CNTN5: variants seen among roughly 807,000 people sequenced by gnomAD.
CNTN5 encodes the protein contactin 5, also known as contactin-5.
In CNTN5, 77 loss-of-function variants were observed where a neutral mutation model predicts 129.1. That is an observed-to-expected ratio of 0.60 (90% CI 0.50 to 0.72). The LOEUF (loss-of-function observed/expected upper bound fraction) is 0.72, where lower values mean the gene tolerates loss of function less well. Ranked by LOEUF, CNTN5 falls within the 30% of genes least tolerant of loss-of-function variation. The pLI, the probability that CNTN5 is intolerant of heterozygous loss-of-function variation, is 0.00. For synonymous variants in CNTN5, 509 were observed against 465.6 expected, an observed-to-expected ratio of 1.09 and a Z score of -1.20; for missense variants, 1,478 against 1,328.8, an observed-to-expected ratio of 1.11 and a Z score of -1.75.
chr11:99,990,718 G>C (rs1261899635), intron 8 of CNTN5, among the ~76,000 whole-genome samples: 1 of 151,942 alleles, frequency 6.6e-6, no homozygotes, highest in Non-Finnish European at 1.5e-5. Context: ...CTTCTCAGTG[G>C]TTCTTTAAGG....
chr11:99,622,802 C>T (rs1591375406), intron 3 of CNTN5, among the ~76,000 whole-genome samples: 1 of 151,136 alleles, frequency 6.6e-6, no homozygotes, highest in East Asian at 2.0e-4. Flanking sequence ...GATTTTTCCC[C>T]ATGGTATTCT....
intron 13 of CNTN5, among the ~76,000 whole-genome samples, chr11:100,182,388 C>CAG (rs147676533): frequency 6.6e-6 from 1 of 151,446 alleles, no homozygotes; most frequent in Admixed American, 6.6e-5. Context: ...TGTCAGAGAG[C>CAG]AGAGAGAGAG....
intron 4 of CNTN5, among the ~76,000 whole-genome samples, chr11:99,832,113 A>C (rs1177146593): frequency 6.6e-6 from 1 of 152,322 alleles, no homozygotes; most frequent in South Asian, 2.1e-4. Context: ...CCGCTGCTTT[A>C]TGACCCATTT....
At chr11:99,944,009 C>A (rs1353033998) in intron 7 of CNTN5, among the ~76,000 whole-genome samples, 1 of 150,700 alleles carries the variant, frequency 6.6e-6, no homozygotes, top group East Asian at 1.9e-4. Context: ...ATTGTCTTGG[C>A]TATAGGGGCT....
intron 3 of CNTN5, among the ~76,000 whole-genome samples, chr11:99,770,945 G>A (rs1354740479): frequency 6.6e-6 from 1 of 151,974 alleles, no homozygotes; most frequent in African/African-American, 2.4e-5. Flanking sequence ...GTATGGTACT[G>A]GCATAAAAAC....
At chr11:99,886,780 C>T (rs1405779180) in intron 6 of CNTN5, among the ~76,000 whole-genome samples, 2 of 152,162 alleles carry the variant, frequency 1.3e-5, no homozygotes, top group African/African-American at 4.8e-5. Flanking sequence ...CACGCAATAG[C>T]ATGAAGAACC....
intron 6 of CNTN5, among the ~76,000 whole-genome samples, chr11:99,858,391 CA>C (rs1394260639): frequency 3.3e-5 from 5 of 151,824 alleles, no homozygotes; most frequent in Middle Eastern, 3.4e-3. Context: ...ATTAAATTAC[CA>C]AAATAAAAAA....
At chr11:100,206,502 C>T (rs556740991) in intron 15 of CNTN5, among the ~76,000 whole-genome samples, 1 of 152,098 alleles carries the variant, frequency 6.6e-6, no homozygotes, top group African/African-American at 2.4e-5. Flanking sequence ...AAATTAAATC[C>T]AGGGATAAAC....
chr11:99,196,865 G>C (rs1361075708), intron 1 of CNTN5, among the ~76,000 whole-genome samples: 1 of 151,788 alleles, frequency 6.6e-6, no homozygotes, highest in East Asian at 1.9e-4. Context: ...GTATGTCCTT[G>C]GAATATAGTA....
intron 1 of CNTN5, among the ~76,000 whole-genome samples, chr11:99,167,941 T>A (rs1374883764): frequency 2.1e-5 from 3 of 140,604 alleles, no homozygotes; most frequent in Non-Finnish European, 3.0e-5. Context: ...CTTATAATGA[T>A]TTTTTTTTTT....
intron 1 of CNTN5, among the ~76,000 whole-genome samples, chr11:99,252,521 T>C (rs1231765686): frequency 6.6e-6 from 1 of 151,618 alleles, no homozygotes; most frequent in Non-Finnish European, 1.5e-5. Flanking sequence ...ACATCTAATG[T>C]CTCATATAAA....
chr11:99,301,613 A>G (rs1054722907), intron 1 of CNTN5, among the ~76,000 whole-genome samples: 10 of 151,860 alleles, frequency 6.6e-5, no homozygotes, highest in African/African-American at 2.4e-4. Context: ...GAAGAATTGA[A>G]AGAAAACATA....
chr11:99,390,063 A>G (rs1941175862), intron 2 of CNTN5, among the ~76,000 whole-genome samples: 1 of 152,232 alleles, frequency 6.6e-6, no homozygotes, highest in Non-Finnish European at 1.5e-5. Flanking sequence ...TAGGTATATG[A>G]CATTGGTGAA....
Position 99,621,316 on chromosome 11 carries a change from T to C in CNTN5, c.55+65047T>C, listed in dbSNP as rs565421580. Among the ~76,000 whole-genome samples, 10 of 152,258 alleles carry C rather than the reference T, an allele frequency of 6.6e-5. No individual in the cohort carries two copies. The South Asian group carries it at 1.9e-3, about 28-fold the overall frequency. On this transcript the variant is annotated intron_variant, in intron 3 of 24. Coordinates refer to ENST00000524871, the MANE Select transcript of CNTN5 (RefSeq NM_014361.4). ...AGCCTGGAGTCAGGAGATGGCTAAATTGGAGTCAAAAAACAAATAAGCAAA... is the reference window on the plus strand; with the variant it reads ...AGCCTGGAGTCAGGAGATGGCTAAACTGGAGTCAAAAAACAAATAAGCAAA...
At chr11:100,194,496 C>T (rs748609498) in intron 15 of CNTN5, among the ~76,000 whole-genome samples, 9 of 151,742 alleles carry the variant, frequency 5.9e-5, no homozygotes, top group Non-Finnish European at 1.2e-4. Flanking sequence ...ATCAGTTGAT[C>T]CATCCTGAAA....
At chr11:99,162,993 G>A (rs772285567) in intron 1 of CNTN5, among the ~76,000 whole-genome samples, 24 of 152,224 alleles carry the variant, frequency 1.6e-4, no homozygotes, top group Non-Finnish European at 2.8e-4. Flanking sequence ...TTTGATATGC[G>A]ACACTCTGCT....
intron 7 of CNTN5, among the ~76,000 whole-genome samples, chr11:99,952,085 G>A (rs1249994325): frequency 1.3e-5 from 2 of 152,088 alleles, no homozygotes; most frequent in East Asian, 1.9e-4. Flanking sequence ...TTTCAATCAA[G>A]GTACACATCA....
In CNTN5 at chr11:100,000,021, C is replaced by T. The variant is rs7946267; in HGVS notation, c.878-2013C>T. 6.2e-5 allele frequency among the ~76,000 whole-genome samples: 9 copies of T among 145,602 alleles called. No individual in the cohort carries two copies. The East Asian group carries it at 8.4e-4, about 14-fold the overall frequency. On this transcript the variant is annotated intron_variant, in intron 8 of 24. Coordinates refer to ENST00000524871, the MANE Select transcript of CNTN5 (RefSeq NM_014361.4). ...GGGGACTGTTGTGGGGTGTGGGGAG[C>T]GGGGAGGGATAACATTAGGAGATAT...
chr11:99,551,785 T>A (rs1948492555), intron 2 of CNTN5, among the ~76,000 whole-genome samples: 1 of 152,110 alleles, frequency 6.6e-6, no homozygotes, highest in Non-Finnish European at 1.5e-5. Flanking sequence ...TCTAAACATA[T>A]GAAAAGTACA....
Sources: allele counts gnomAD v4.1 joint callset (sites outside exome capture counted in the v4.1 genomes callset), GRCh38; gene constraint gnomAD v4.1.1; transcripts MANE v1.5; gene names NCBI Gene and HGNC (gene_info 2026-07-23, HGNC 2026-07-21).